The following HSD17B12 variants were observed in gnomAD, a reference collection of about 807,000 sequenced individuals.
HSD17B12 encodes hydroxysteroid 17-beta dehydrogenase 12.
A neutral mutation model predicts 39.3 loss-of-function variants in HSD17B12; 32 were observed. The observed-to-expected ratio is 0.81, with a 90% CI of 0.61 to 1.09. HSD17B12 has a LOEUF of 1.09. Among genes scored for constraint, HSD17B12 ranks in the 50% least tolerant of loss-of-function variants. The pLI is 0.00. For missense variants in HSD17B12, 342 were observed against 382.9 expected (o/e 0.89, Z 0.89); for synonymous variants, 150 against 146.7 (o/e 1.02, Z -0.16).
At chr11:43,623,062 C>T in the HSD17B12 span, among the ~76,000 whole-genome samples, 2 of 151,968 alleles carry the variant, frequency 1.3e-5, no homozygotes, top group African/African-American at 2.4e-5. Flanking sequence ...ATACCAATAA[C>T]AATACCAACA....
At chr11:43,562,920 G>C in the HSD17B12 span, among the ~76,000 whole-genome samples, 1 of 152,194 alleles carries the variant, frequency 6.6e-6, no homozygotes, top group East Asian at 1.9e-4. Context: ...CCTCAAGTGT[G>C]GGTGGGAGAA....
the HSD17B12 span, among the ~76,000 whole-genome samples, chr11:43,576,380 T>C: frequency 6.6e-6 from 1 of 152,170 alleles, no homozygotes; most frequent in Non-Finnish European, 1.5e-5. Flanking sequence ...TTTCAGTACT[T>C]GCTAAAAATA....
At chr11:43,740,334 C>A (rs770618740) in intron 1 of HSD17B12, among the ~76,000 whole-genome samples, 2 of 152,024 alleles carry the variant, frequency 1.3e-5, no homozygotes, top group Non-Finnish European at 2.9e-5. Context: ...AGCAAATATT[C>A]TTATAATGAT....
chr11:43,733,691 G>A (rs1180534457), intron 1 of HSD17B12: 2 of 499,702 alleles, frequency 4.0e-6, no homozygotes, highest in South Asian at 3.4e-5. Flanking sequence ...TTAAAAAAAG[G>A]GGTTTAGGGG....
chr11:43,581,962 G>A, the HSD17B12 span, among the ~76,000 whole-genome samples: 1,147 of 152,300 alleles, frequency 7.5e-3, 17 homozygotes, highest in African/African-American at 0.026. The surrounding 1 kb of genome is among the most constrained non-coding windows in gnomAD (Gnocchi z 4.9). Flanking sequence ...TTGAGGGAGG[G>A]GCTGGAGGCC....
intron 1 of HSD17B12, among the ~76,000 whole-genome samples, chr11:43,683,076 G>A (rs1043706777): frequency 1.3e-5 from 2 of 150,578 alleles, no homozygotes; most frequent in African/African-American, 4.9e-5. Context: ...ACATGTGTGA[G>A]CCACCATGCC....
intron 1 of HSD17B12, among the ~76,000 whole-genome samples, chr11:43,704,673 C>T (rs1032810479): frequency 6.6e-6 from 1 of 152,140 alleles, no homozygotes; most frequent in Non-Finnish European, 1.5e-5. Context: ...GCATGCATAT[C>T]GCAGTTCTGG....
chr11:43,817,014 ATCTATATCTATATCTATATCTATATC>A (rs1565099915), intron 6 of HSD17B12, among the ~76,000 whole-genome samples: 5 of 21,406 alleles, frequency 2.3e-4, no homozygotes, highest in South Asian at 1.8e-3. Context: ...CTATATCTAT[ATCTATATCTATATCTATATCTATATC>A]TATATATATA....
At chr11:43,642,451 A>G in the HSD17B12 span, among the ~76,000 whole-genome samples, 19 of 151,742 alleles carry the variant, frequency 1.3e-4, no homozygotes, top group East Asian at 3.7e-3. Context: ...CCGTTAAAAG[A>G]AAAAAAATGA....
At chr11:43,800,966 C>A (rs947363600) in intron 4 of HSD17B12, among the ~76,000 whole-genome samples, 3 of 152,002 alleles carry the variant, frequency 2.0e-5, no homozygotes, top group East Asian at 1.9e-4. Flanking sequence ...TGACGAAACC[C>A]CATCTCTACT....
intron 3 of HSD17B12, among the ~76,000 whole-genome samples, chr11:43,754,453 G>T (rs764164783): frequency 6.6e-6 from 1 of 152,072 alleles, no homozygotes; most frequent in Non-Finnish European, 1.5e-5. Context: ...GCGGGCACCT[G>T]TAATCCCAGC....
At chr11:43,764,435 A>C (rs1950579120) in intron 3 of HSD17B12, among the ~76,000 whole-genome samples, 1 of 152,130 alleles carries the variant, frequency 6.6e-6, no homozygotes, top group Admixed American at 6.5e-5. Flanking sequence ...AGCTATCCAG[A>C]ACAGGGGCTT....
intron 1 of HSD17B12, among the ~76,000 whole-genome samples, chr11:43,740,922 G>T (rs1459502984): frequency 6.6e-6 from 1 of 152,244 alleles, no homozygotes; most frequent in East Asian, 1.9e-4. Context: ...GCCCAGATGT[G>T]CATTTAACAC....
At chr11:43,765,958 C>G (rs568118621) in intron 3 of HSD17B12, among the ~76,000 whole-genome samples, 12 of 151,826 alleles carry the variant, frequency 7.9e-5, no homozygotes, top group Non-Finnish European at 1.8e-4. Context: ...CTCAGCCTCC[C>G]GCCACTACAG....
intron 1 of HSD17B12, among the ~76,000 whole-genome samples, chr11:43,711,533 G>A (rs1950066224): frequency 6.7e-6 from 1 of 149,606 alleles, no homozygotes; most frequent in Non-Finnish European, 1.5e-5. Context: ...AGAGTGCAGT[G>A]GTACAATCAC....
chr11:43,756,550 T>C (rs1950509442), intron 3 of HSD17B12, among the ~76,000 whole-genome samples: 1 of 152,140 alleles, frequency 6.6e-6, no homozygotes, highest in Non-Finnish European at 1.5e-5. Flanking sequence ...TTAAAAAATG[T>C]TGTGTTTGTG....
At chr11:43,762,154 T>G (rs544169719) in intron 3 of HSD17B12, among the ~76,000 whole-genome samples, 1 of 150,924 alleles carries the variant, frequency 6.6e-6, no homozygotes, top group South Asian at 2.1e-4. Context: ...CTAACTACCA[T>G]GAGGGTTAGT....
the HSD17B12 span, among the ~76,000 whole-genome samples, chr11:43,621,862 A>G: frequency 1.3e-5 from 2 of 152,366 alleles, no homozygotes; most frequent in South Asian, 2.1e-4. Flanking sequence ...AGTTAAAAAC[A>G]TGCATCACAC....
At chr11:43,585,286 A>G in the HSD17B12 span, among the ~76,000 whole-genome samples, 1 of 152,156 alleles carries the variant, frequency 6.6e-6, no homozygotes, top group African/African-American at 2.4e-5. Context: ...CTGAGCTTCA[A>G]AGTCATACTG....
Sources: gnomAD v4.1 joint callset for allele counts (sites outside exome capture counted in the v4.1 genomes callset) on GRCh38, gnomAD v4.1.1 for gene constraint, Gnocchi (gnomAD v3.1) non-coding constraint, MANE v1.5 for transcripts, NCBI Gene and HGNC (gene_info 2026-07-23, HGNC 2026-07-21) for gene names.